The following CCDC186 variants were observed in gnomAD, a reference collection of about 807,000 sequenced individuals.
The protein encoded by CCDC186 is coiled-coil domain-containing protein 186.
In CCDC186, 49 loss-of-function variants were observed where a neutral mutation model predicts 113.7. The ratio of observed to expected loss-of-function variants is 0.43; its 90% CI spans 0.34 to 0.55. The LOEUF is 0.55. CCDC186 is among the 20% of genes least tolerant of loss of function. The probability of loss-of-function intolerance (pLI) is 0.02; values close to 1 mark genes in which losing one functional copy is unlikely to be tolerated. For synonymous variants in CCDC186, 355 were observed against 345.8 expected, an observed-to-expected ratio of 1.03 and a Z score of -0.30; for missense variants, 890 against 1,011.1, an observed-to-expected ratio of 0.88 and a Z score of 1.62.
chr10:114,167,038 T>A (rs891303143), intron 1 of CCDC186, among the ~76,000 whole-genome samples: 7 of 143,164 alleles, frequency 4.9e-5, no homozygotes, highest in South Asian at 4.4e-4. Context: ...TTTTTTTTTT[T>A]AAAGATGGAG....
chr10:114,166,088 A>C lies in CCDC186; in HGVS notation c.-61-2759T>G, dbSNP rs895830020. Among the ~76,000 whole-genome samples the C allele has an allele frequency of 3.9e-5, 6 of 152,282 alleles. No homozygotes were observed. The South Asian group carries it at 1.2e-3, about 32-fold the overall frequency. On this transcript the variant is annotated intron_variant, in intron 1 of 15. Transcript: ENST00000369287. ...TCTTAAAGGACTGCACTGCAGAGGA[A>C]AGTACAGAGGTTAGGAGTGTTTTAC... is the stretch of plus-strand genomic sequence containing the variant.
chr10:114,137,145 G>T, intron 7 of CCDC186, 41 bp downstream of exon 7: 1 of 1,445,504 alleles, frequency 6.9e-7, no homozygotes, highest in Non-Finnish European at 9.7e-7. Flanking sequence ...ACTGATATTT[G>T]CTAAAATTTG....
intron 11 of CCDC186, 98 bp from the exon 12 acceptor site, chr10:114,131,434 G>T: frequency 9.8e-7 from 1 of 1,019,084 alleles, no homozygotes; most frequent in Non-Finnish European, 1.4e-6. Flanking sequence ...TCTTGACAGT[G>T]GAGATTCTTC....
intron 4 of CCDC186, among the ~76,000 whole-genome samples, chr10:114,149,764 G>T (rs1306087625): frequency 6.3e-4 from 11 of 17,388 alleles, no homozygotes; most frequent in Admixed American, 3.6e-3. Flanking sequence ...CAGGAAGGAA[G>T]GAAGGAAGGA....
At chr10:114,159,640 CAAAAAAAAAAAAA>C (rs34339225) in intron 2 of CCDC186, among the ~76,000 whole-genome samples, 4 of 55,486 alleles carry the variant, frequency 7.2e-5, no homozygotes, top group African/African-American at 1.2e-4. Context: ...GACTCCGTCT[CAAAAAAAAAAAAA>C]AAAAAAAAAA....
intron 10 of CCDC186, among the ~76,000 whole-genome samples, chr10:114,133,669 G>A (rs983520473): frequency 1.3e-4 from 20 of 152,284 alleles, no homozygotes; most frequent in African/African-American, 4.8e-4. Flanking sequence ...AAAGACAACT[G>A]AATTCGACAG....
chr10:114,143,391 T>G (rs1564910218), intron 6 of CCDC186, among the ~76,000 whole-genome samples: 1 of 152,190 alleles, frequency 6.6e-6, no homozygotes, highest in Non-Finnish European at 1.5e-5. Context: ...GCAACTCAGG[T>G]AGTTGAGAAT....
chr10:114,127,398 G>T lies in CCDC186; in HGVS notation c.2393+63C>A. The T allele has an allele frequency of 2.1e-6, 3 of 1,444,222 alleles. No homozygotes were observed. In the South Asian group the frequency reaches 3.8e-5, roughly 18 times the overall value. The allele number at this position is 1,444,222 out of a possible 1,614,324, so 89.5% of individuals were successfully genotyped here. A position where few individuals can be genotyped will look rare whatever the true frequency, so the allele number is the denominator to read the frequency against. On this transcript the variant is annotated intron_variant, in intron 14 of 15. Transcript: ENST00000369287. ...CTTGATATGACTAATTTTAAAAACA[G>T]TAACTTTGCTATATGAGTAACGGTA...
At chr10:114,134,592 G>A (rs934574801) in intron 10 of CCDC186, among the ~76,000 whole-genome samples, 2 of 152,190 alleles carry the variant, frequency 1.3e-5, no homozygotes, top group Non-Finnish European at 2.9e-5. Flanking sequence ...TCTAGAGCAA[G>A]ATTTACCTTT....
In CCDC186 at chr10:114,173,809, A is replaced by G. The variant is rs1020202051; in HGVS notation, c.-62+206T>C. ...ACCGAAGGAGGAAGGCAGGGAGAGG[A>G]AAGGGCTTGAAACCCGTTCCCCAGC... On this transcript the variant is annotated intron_variant, in intron 1 of 15. Transcript: ENST00000369287. Among the ~76,000 whole-genome samples the G allele has an allele frequency of 1.6e-4, 24 of 152,294 alleles. 1 individual carries two copies. Among genetic ancestry groups the G allele is most frequent in the African/African-American group, 5.8e-4 (24 of 41,564 alleles).
intron 1 of CCDC186, chr10:114,168,302 T>G (rs2032392857): frequency 6.6e-6 from 1 of 152,198 alleles, no homozygotes; most frequent in Non-Finnish European, 1.5e-5. Flanking sequence ...AGTCAACCAT[T>G]ACCCACTCTG....
chr10:114,155,590 G>A (rs903074331), intron 3 of CCDC186, among the ~76,000 whole-genome samples: 7 of 152,058 alleles, frequency 4.6e-5, no homozygotes, highest in African/African-American at 1.2e-4. Context: ...CAGAAGAATC[G>A]CTTGAACCTG....
chr10:114,125,970 T>C lies in CCDC186; in HGVS notation c.2529A>G (p.Gly843=). ...TTTCCAAAGAGAGCTCCAATGTTAATCCATTGTCAGCTGGATGGGATGTAT... is the reference window on the plus strand; with the variant it reads ...TTTCCAAAGAGAGCTCCAATGTTAACCCATTGTCAGCTGGATGGGATGTAT... ...SLYTSHPADN[G]LTLELSLEIN... Residue 843 remains glycine (G), a synonymous_variant, in exon 15 of 16, where the codon GGA becomes GGG. Coordinates refer to ENST00000369287, the MANE Select transcript of CCDC186 (RefSeq NM_018017.4). The C allele has an allele frequency of 6.2e-7, 1 of 1,614,062 alleles. No homozygotes were observed. Among genetic ancestry groups the C allele is most frequent in the Non-Finnish European group, 8.5e-7 (1 of 1,179,964 alleles).
At chr10:114,145,265 C>A (rs2031598533) in intron 5 of CCDC186, among the ~76,000 whole-genome samples, 1 of 152,130 alleles carries the variant, frequency 6.6e-6, no homozygotes, top group Admixed American at 6.5e-5. Context: ...ATTTCTCCAA[C>A]ATACAGATTT....
At chr10:114,152,418 T>A (rs557963470) in intron 3 of CCDC186, among the ~76,000 whole-genome samples, 2 of 151,680 alleles carry the variant, frequency 1.3e-5, no homozygotes, top group Non-Finnish European at 2.9e-5. Flanking sequence ...TTGATGGCAA[T>A]CGAGTTCAGT....
chr10:114,166,810 G>A (rs74157575), intron 1 of CCDC186, among the ~76,000 whole-genome samples: 3,788 of 152,194 alleles, frequency 0.025, 160 homozygotes, highest in African/African-American at 0.084. Flanking sequence ...GTGTCATCCT[G>A]CTGGATATTC....
intron 4 of CCDC186, among the ~76,000 whole-genome samples, chr10:114,147,972 A>G (rs901550007): frequency 1.3e-5 from 2 of 152,000 alleles, no homozygotes; most frequent in African/African-American, 4.8e-5. Flanking sequence ...CTACAAAAAA[A>G]ACAAAAAACA....
At position 114,172,091 on chromosome 10, in the gene CCDC186, G is replaced by A. The variant is rs558985414; in HGVS notation, c.-62+1924C>T. ...ATGAGAAATTGAAAAACCAGCTTTA[G>A]TTATTTTAAGGTAGAGATAAAAGAA... On this transcript the variant is annotated intron_variant, in intron 1 of 15. Coordinates refer to ENST00000369287, the MANE Select transcript of CCDC186 (RefSeq NM_018017.4). Among the ~76,000 whole-genome samples the A allele has an allele frequency of 5.3e-5, 8 of 152,104 alleles. No homozygotes were observed. In the South Asian group the frequency reaches 1.7e-3, roughly 32 times the overall value.
At chr10:114,130,965 C>T in intron 12 of CCDC186, 182 bp downstream of exon 12, 2 of 447,264 alleles carry the variant, frequency 4.5e-6, no homozygotes, top group East Asian at 7.2e-5. Flanking sequence ...CTTTAGCATA[C>T]AAGATATCCT....
Sources: allele counts gnomAD v4.1 joint callset (sites outside exome capture counted in the v4.1 genomes callset), GRCh38; gene constraint gnomAD v4.1.1; transcripts MANE v1.5; gene names NCBI Gene and HGNC (gene_info 2026-07-23, HGNC 2026-07-21).